Variants in DNAH2 observed in about 807,000 individuals in gnomAD.
The protein encoded by DNAH2 is axonemal beta dynein heavy chain 2.
A neutral mutation model predicts 523.5 loss-of-function variants in DNAH2; 323 were observed. That is an observed-to-expected ratio of 0.62 (90% confidence interval 0.56 to 0.68). The LOEUF is 0.68. DNAH2 is among the 30% of genes least tolerant of loss of function. DNAH2 has a pLI of 0.00. For missense variants in DNAH2, 4,907 were observed against 5,701.5 expected, an observed-to-expected ratio of 0.86 and a Z score of 4.49; for synonymous variants, 2,093 against 2,177.4, an observed-to-expected ratio of 0.96 and a Z score of 1.08.
chr17:7,802,866 T>A (rs2077261890), intron 58 of DNAH2, among the ~76,000 whole-genome samples: 1 of 150,148 alleles, frequency 6.7e-6, no homozygotes, highest in Admixed American at 6.7e-5. Context: ...AGAGACAGGG[T>A]TTCACCATGT....
chr17:7,789,216 T>C (rs1224465188), intron 44 of DNAH2, among the ~76,000 whole-genome samples: 2 of 152,170 alleles, frequency 1.3e-5, no homozygotes, highest in Non-Finnish European at 2.9e-5. Context: ...CCAGGTACTG[T>C]GTGGGCAGAG....
In DNAH2 at chr17:7,792,995, C is replaced by T. The variant is rs1364288028; in HGVS notation, c.7359C>T (p.Asn2453=). The T allele has an allele frequency of 6.2e-6, 10 of 1,611,184 alleles. No homozygotes were observed. Among genetic ancestry groups the T allele is most frequent in the Admixed American group, 3.3e-5 (2 of 59,958 alleles). ...VNMSAQTTSN[N]VQSIIESRVE... ...CTTTTCACCAGACCACATCCAATAACGTGCAGAGCATCATTGAGAGCAGGG... is the reference window on the plus strand; with the variant it reads ...CTTTTCACCAGACCACATCCAATAATGTGCAGAGCATCATTGAGAGCAGGG... The change falls in exon 48 of 86, where the codon AAC becomes AAT. Residue 2453 remains asparagine, a synonymous_variant. Coordinates refer to ENST00000572933, the MANE Select transcript of DNAH2 (RefSeq NM_020877.5).
Position 7,786,055 on chromosome 17 carries a change from G to A in DNAH2, c.6130-69G>A. ...TTGAACGTATTCTCTCTGGCACCGG[G>A]GAGATTTTGAAAGCCCTTTAAAGGC... On this transcript the variant is annotated intron_variant, in intron 39 of 85. Coordinates refer to ENST00000572933, the MANE Select transcript of DNAH2 (RefSeq NM_020877.5). The surrounding 1 kb of genome is among the most constrained non-coding windows in gnomAD (Gnocchi z 7.5). 4 of 1,526,276 alleles carry A rather than the reference G, an allele frequency of 2.6e-6. No homozygotes were observed. The highest frequency in any genetic ancestry group is 2.7e-6 in the Non-Finnish European group (3 of 1,107,890). The allele number at this position is 1,526,276 out of a possible 1,614,324, so 94.5% of individuals were successfully genotyped here.
intron 12 of DNAH2, chr17:7,743,482 A>G (rs1012806112): frequency 4.6e-6 from 3 of 646,568 alleles, no homozygotes; most frequent in Admixed American, 2.5e-5. Flanking sequence ...CCTGGGCAAC[A>G]TGGCAAAACC....
At chr17:7,738,695 C>A (rs911751656) in intron 8 of DNAH2, among the ~76,000 whole-genome samples, 5 of 152,142 alleles carry the variant, frequency 3.3e-5, no homozygotes, top group African/African-American at 7.2e-5. Flanking sequence ...TTCCTCCTAT[C>A]TTGACCCCAT....
intron 33 of DNAH2, 48 bp from the exon 34 acceptor site, chr17:7,778,029 C>A: frequency 6.5e-7 from 1 of 1,530,740 alleles, no homozygotes; most frequent in Non-Finnish European, 9.1e-7. Context: ...CCAGCTCTAA[C>A]TCTCCTTCCA....
intron 6 of DNAH2, 59 bp downstream of exon 6, chr17:7,734,352 G>T: frequency 6.2e-7 from 1 of 1,603,054 alleles, no homozygotes; most frequent in Non-Finnish European, 8.5e-7. Flanking sequence ...GAAAGGGGAG[G>T]CTCGGATGCT....
rs117465420 is a variant in DNAH2, at chr17:7,831,158, A to T, written c.12303A>T (p.Leu4101Phe). The T allele has an allele frequency of 0.024, 37,935 of 1,614,068 alleles. 618 individuals are homozygous for T. The highest frequency in any genetic ancestry group is 0.086 in the Middle Eastern group (523 of 6,062). ...SLASYKEYIS[L>F]LPGMDPPEAF... is the part of the protein sequence containing the mutation. The stretch of plus-strand genomic sequence containing the variant: ...CTTCTTACAAGGAATACATCAGCTT[A>T]TTGCCTGGCATGGACCCCCCTGAGG... The change falls in exon 80 of 86, where the codon TTA becomes TTT. Residue 4101 changes from leucine to phenylalanine, a missense_variant. Transcript: ENST00000572933. The surrounding 1 kb of genome is among the most constrained non-coding windows in gnomAD (Gnocchi z 4.2).
intron 63 of DNAH2, among the ~76,000 whole-genome samples, chr17:7,809,981 G>A (rs899270415): frequency 6.6e-6 from 1 of 151,550 alleles, no homozygotes; most frequent in Non-Finnish European, 1.5e-5. Context: ...GAGCCACCGT[G>A]CCCCGAAATG....
At chr17:7,792,922 T>C in intron 47 of DNAH2, 59 bp from the exon 48 acceptor site, 1 of 1,601,596 alleles carries the variant, frequency 6.2e-7, no homozygotes, top group Non-Finnish European at 8.5e-7. Flanking sequence ...CTGACCCTCC[T>C]CTCTAAGCCC....
chr17:7,804,658 C>T (rs772064560), intron 59 of DNAH2, among the ~76,000 whole-genome samples, 192 bp downstream of exon 59: 1 of 152,110 alleles, frequency 6.6e-6, no homozygotes, highest in Non-Finnish European at 1.5e-5. Context: ...CCAACTTGGC[C>T]AACATGGTGA....
intron 24 of DNAH2, 72 bp from the exon 25 acceptor site, chr17:7,770,180 T>G: frequency 2.7e-6 from 4 of 1,499,834 alleles, no homozygotes; most frequent in Non-Finnish European, 3.6e-6. Context: ...AGAATCATAG[T>G]GTCCCAGTGG....
At chr17:7,767,705 T>C (rs2076207589) in intron 22 of DNAH2, among the ~76,000 whole-genome samples, 195 bp from the exon 23 acceptor site, 1 of 151,878 alleles carries the variant, frequency 6.6e-6, no homozygotes, top group Non-Finnish European at 1.5e-5. Context: ...CTCATGACAT[T>C]GAGGATTTTT....
At chr17:7,735,600 G>T (rs1435366323) in intron 7 of DNAH2, among the ~76,000 whole-genome samples, 1 of 151,424 alleles carries the variant, frequency 6.6e-6, no homozygotes, top group African/African-American at 2.4e-5. Flanking sequence ...CAGCATGCCC[G>T]GCTAACTGTT....
Position 7,833,143 on chromosome 17 carries a change from G to A in DNAH2, c.13051G>A (p.Ala4351Thr). Residue 4351 changes from alanine to threonine, a missense_variant, in exon 85 of 86, where the codon GCA becomes ACA. Transcript: ENST00000572933. Reference protein sequence around the residue: ...WDRKNSCLVEAEPMQLVCLMP... With the variant: ...WDRKNSCLVETEPMQLVCLMP... ...CCGGAAGAACTCCTGCTTGGTGGAG[G>A]CAGAGCCCATGCAGCTTGTCTGCCT... 6.2e-7 allele frequency: 1 copy of A among 1,611,532 alleles called. No homozygotes were observed. The highest frequency in any genetic ancestry group is 8.5e-7 in the Non-Finnish European group (1 of 1,180,024).
In DNAH2 at chr17:7,759,130, GT is replaced by G. The variant is rs2075932322; in HGVS notation, c.2448+8del. 3 of 1,613,386 alleles carry G rather than the reference GT, an allele frequency of 1.9e-6. No individual in the cohort carries two copies. Among genetic ancestry groups the G allele is most frequent in the Non-Finnish European group, 2.5e-6 (3 of 1,179,786 alleles). On this transcript the variant is annotated splice_region_variant and intron_variant, in intron 15 of 85. Transcript: ENST00000572933. Reference sequence around the variant, plus strand: ...TCAAGAATGATGGTCCTGAGGTAGGGTTCCTGTGGCCAGGATGTTGTGGTTG... The same window carrying G: ...TCAAGAATGATGGTCCTGAGGTAGGGTCCTGTGGCCAGGATGTTGTGGTTG...
intron 4 of DNAH2, among the ~76,000 whole-genome samples, chr17:7,731,136 A>AT (rs2074974427): frequency 8.3e-6 from 1 of 120,472 alleles, no homozygotes; most frequent in Admixed American, 7.6e-5. Flanking sequence ...AAATAAATTA[A>AT]TTAAATTAAA....
rs546314831 is a variant in DNAH2 at position 7,770,744 on chromosome 17, G to A, written c.4182-9G>A. ...GGATGAACTATGATTTTGACCCCTT[G>A]TGTCTCAGAGGTACAGAAGAAGTAT... On this transcript the variant is annotated splice_polypyrimidine_tract_variant and intron_variant, in intron 26 of 85. Coordinates refer to ENST00000572933, the MANE Select transcript of DNAH2 (RefSeq NM_020877.5). 28 of 1,614,110 alleles carry A rather than the reference G, an allele frequency of 1.7e-5. 1 individual carries two copies. In the South Asian group the frequency reaches 3.1e-4, roughly 18 times the overall value.
chr17:7,721,463 C>T lies in DNAH2; in HGVS notation c.166+1563C>T, dbSNP rs1396211495. Among the ~76,000 whole-genome samples the T allele has an allele frequency of 3.3e-5, 5 of 152,066 alleles. No individual in the cohort carries two copies. The South Asian group carries it at 6.2e-4, about 19-fold the overall frequency. ...TGCTGGGATTACAGGCGTGAGCCAC[C>T]GCACCCAGTCTCCCCTGGCCTAGTT... On this transcript the variant is annotated intron_variant, in intron 2 of 85. Coordinates refer to ENST00000572933, the MANE Select transcript of DNAH2 (RefSeq NM_020877.5).
Sources: allele counts gnomAD v4.1 joint callset (sites outside exome capture counted in the v4.1 genomes callset), GRCh38; gene constraint gnomAD v4.1.1; non-coding constraint Gnocchi (gnomAD v3.1); transcripts MANE v1.5; gene names NCBI Gene and HGNC (gene_info 2026-07-23, HGNC 2026-07-21).